The following HDAC9 variants were observed in gnomAD, a reference collection of about 807,000 sequenced individuals.
The protein encoded by HDAC9 is histone deacetylase 9, also known as MEF-2 interacting transcription repressor (MITR) protein.
HDAC9 carries 41 observed loss-of-function variants against 139.4 expected under a neutral mutation model. That is an observed-to-expected ratio of 0.29 (90% CI 0.23 to 0.38). The LOEUF is 0.38. Ranked by LOEUF, HDAC9 falls within the 10% of genes least tolerant of loss-of-function variation. HDAC9 has a pLI of 1.00. For synonymous variants in HDAC9, 517 were observed against 476.2 expected, an observed-to-expected ratio of 1.09 and a Z score of -1.12; for missense variants, 1,147 against 1,297.0, an observed-to-expected ratio of 0.88 and a Z score of 1.78.
At chr7:18,897,688 G>T (rs944434352) in intron 22 of HDAC9, among the ~76,000 whole-genome samples, 1 of 151,646 alleles carries the variant, frequency 6.6e-6, no homozygotes, top group Non-Finnish European at 1.5e-5. Flanking sequence ...TTTAAGAATT[G>T]GAGTCTACTT....
At chr7:18,834,378 G>GAGA (rs1796072688) in intron 19 of HDAC9, among the ~76,000 whole-genome samples, 1 of 150,544 alleles carries the variant, frequency 6.6e-6, no homozygotes, top group Non-Finnish European at 1.5e-5. Flanking sequence ...ATTAATTGAG[G>GAGA]TGTTTTTTTT....
intron 2 of HDAC9, among the ~76,000 whole-genome samples, chr7:18,206,992 A>G (rs1014212859): frequency 2.7e-5 from 4 of 148,532 alleles, no homozygotes; most frequent in Admixed American, 6.8e-5. Context: ...CTGGAGTGCA[A>G]TGGTGCCATA....
chr7:18,554,759 C>T (rs1181244888), intron 2 of HDAC9, among the ~76,000 whole-genome samples: 2 of 152,074 alleles, frequency 1.3e-5, no homozygotes, highest in Non-Finnish European at 2.9e-5. Context: ...ATTGTTATAC[C>T]TTCCAAGAAG....
At chr7:18,089,719 A>T (rs564333946) in intron 1 of HDAC9, among the ~76,000 whole-genome samples, 63 of 152,236 alleles carry the variant, frequency 4.1e-4, no homozygotes, top group African/African-American at 1.3e-3. Context: ...ATTTGTACAC[A>T]CTCAGTGGGG....
rs1784037380 is a variant in HDAC9, at chr7:18,968,565, T to G, written c.3023-7241T>G. On this transcript the variant is annotated intron_variant, in intron 24 of 25. Transcript: ENST00000686413. ...AAAATGAGTACCGCAGATTCCAGGGTAACTGACTAGAGGAAGTTTCCAGGC... is the reference window on the plus strand; with the variant it reads ...AAAATGAGTACCGCAGATTCCAGGGGAACTGACTAGAGGAAGTTTCCAGGC... Among the ~76,000 whole-genome samples, 4 of 152,186 alleles carry G rather than the reference T, an allele frequency of 2.6e-5. 1 individual carries two copies. In the South Asian group the frequency reaches 8.3e-4, roughly 32 times the overall value.
chr7:18,289,376 A>T (rs558489578), upstream of HDAC9, among the ~76,000 whole-genome samples: 983 of 152,306 alleles, frequency 6.5e-3, 7 homozygotes, highest in Admixed American at 0.012. Context: ...GTATCACTGC[A>T]TTGGGGGTAT....
intron 2 of HDAC9, among the ~76,000 whole-genome samples, chr7:18,536,093 T>C (rs1330063078): frequency 6.6e-6 from 1 of 152,182 alleles, no homozygotes; most frequent in Non-Finnish European, 1.5e-5. Context: ...CCCAGGTGCA[T>C]GACAGGTTAA....
intron 11 of HDAC9, among the ~76,000 whole-genome samples, chr7:18,656,872 A>G (rs10226245): frequency 0.028 from 4,328 of 152,244 alleles, 228 homozygotes; most frequent in African/African-American, 0.098. Flanking sequence ...ACTGTTCTCC[A>G]TAGTGGCTGT....
chr7:18,611,791 A>C (rs10486292), intron 6 of HDAC9, among the ~76,000 whole-genome samples: 1 of 152,074 alleles, frequency 6.6e-6, no homozygotes, highest in Non-Finnish European at 1.5e-5. Flanking sequence ...ATGATGAATA[A>C]AGTTCAAAAT....
intron 22 of HDAC9, among the ~76,000 whole-genome samples, chr7:18,880,672 A>G (rs1382230769): frequency 1.3e-5 from 2 of 152,028 alleles, no homozygotes; most frequent in African/African-American, 4.8e-5. Flanking sequence ...TGGAAGGAGG[A>G]AGAAGAACTT....
intron 22 of HDAC9, among the ~76,000 whole-genome samples, chr7:18,915,824 G>GT (rs1803143477): frequency 6.6e-6 from 1 of 151,368 alleles, no homozygotes; most frequent in Non-Finnish European, 1.5e-5. Context: ...CTCTATTTAT[G>GT]GTTTTTTTGT....
At chr7:18,432,993 G>A in intron 1 of HDAC9, among the ~76,000 whole-genome samples, 1 of 151,362 alleles carries the variant, frequency 6.6e-6, no homozygotes, top group African/African-American at 2.4e-5. Flanking sequence ...GAAGGGTTCT[G>A]CACAGGAGGA....
chr7:18,139,405 G>T (rs964511997), intron 1 of HDAC9, among the ~76,000 whole-genome samples: 1 of 152,136 alleles, frequency 6.6e-6, no homozygotes, highest in Non-Finnish European at 1.5e-5. Context: ...GGGACTACAG[G>T]TGTGAGCCAC....
At chr7:18,741,273 G>T (rs1194389725) in intron 13 of HDAC9, among the ~76,000 whole-genome samples, 1 of 152,224 alleles carries the variant, frequency 6.6e-6, no homozygotes, top group Non-Finnish European at 1.5e-5. Flanking sequence ...CAAAGAATAA[G>T]CTGACTCTCT....
intron 12 of HDAC9, among the ~76,000 whole-genome samples, chr7:18,696,597 A>G (rs1783068033): frequency 6.6e-6 from 1 of 151,646 alleles, no homozygotes; most frequent in South Asian, 2.1e-4. Context: ...CCTCCCGAGT[A>G]GCTGGGACTA....
intron 21 of HDAC9, among the ~76,000 whole-genome samples, chr7:18,853,844 A>C (rs73320007): frequency 2.6e-5 from 4 of 152,168 alleles, no homozygotes; most frequent in Non-Finnish European, 4.4e-5. Context: ...AAATTAGTTG[A>C]TTGGCATTTT....
intron 12 of HDAC9, among the ~76,000 whole-genome samples, chr7:18,694,974 A>C (rs1378486068): frequency 6.6e-6 from 1 of 152,182 alleles, no homozygotes; most frequent in Non-Finnish European, 1.5e-5. Flanking sequence ...TGTTTCATTA[A>C]AACCCTAAAT....
At chr7:18,739,635 A>G (rs1213477038) in intron 13 of HDAC9, among the ~76,000 whole-genome samples, 1 of 152,078 alleles carries the variant, frequency 6.6e-6, no homozygotes, top group Admixed American at 6.5e-5. Context: ...CTTCCTCTTG[A>G]AGCTTCTTCC....
chr7:18,370,669 T>A (rs1182542220), intron 1 of HDAC9, among the ~76,000 whole-genome samples: 1 of 152,220 alleles, frequency 6.6e-6, no homozygotes, highest in African/African-American at 2.4e-5. Flanking sequence ...TTGACTTTTA[T>A]CTAGCCCTTG....
Sources: allele counts gnomAD v4.1 joint callset (sites outside exome capture counted in the v4.1 genomes callset), GRCh38; gene constraint gnomAD v4.1.1; transcripts MANE v1.5; gene names NCBI Gene and HGNC (gene_info 2026-07-23, HGNC 2026-07-21).